The following KRT75 variants were observed in gnomAD, a reference collection of about 807,000 sequenced individuals.
The protein encoded by KRT75 is keratin 75, also known as keratin, type II cytoskeletal 75.
Under a neutral mutation model 48.8 loss-of-function variants are expected in KRT75, and 35 were observed. That is an observed-to-expected ratio of 0.72 (90% confidence interval 0.55 to 0.95). KRT75 has a LOEUF of 0.95. KRT75 is among the 40% of genes least tolerant of loss of function. The pLI, the probability that KRT75 is intolerant of heterozygous loss-of-function variation, is 0.00. For missense variants in KRT75, 776 were observed against 709.9 expected, an observed-to-expected ratio of 1.09 and a Z score of -1.06; for synonymous variants, 301 against 282.3, an observed-to-expected ratio of 1.07 and a Z score of -0.66.
At chr12:52,428,524 G>T (rs375478049) in intron 6 of KRT75, 48 bp from the exon 7 acceptor site, 4 of 1,611,702 alleles carry the variant, frequency 2.5e-6, no homozygotes, top group Non-Finnish European at 8.5e-7. Context: ...GCCCATGGAG[G>T]TGTGGTGCTT....
rs553522386 is a variant in KRT75 at position 52,424,640 on chromosome 12, G to C, written c.1533C>G (p.Ser511Arg). ...CAGAACCTCCCAGGCCTGCACCCAG[G>C]CTATGCCCACCACTGGTGGTGAAGG... ...GYSFTTSGGH[S>R]LGAGLGGSGF... is the part of the protein sequence containing the mutation. Residue 511 changes from serine (S) to arginine (R), a missense_variant, in exon 9 of 9, where the codon AGC becomes AGG. Transcript: ENST00000252245. 8.0e-5 allele frequency: 129 copies of C among 1,614,194 alleles called. 1 individual carries two copies. The South Asian group carries it at 1.4e-3, about 17-fold the overall frequency.
chr12:52,430,264 C>T (rs920120636), intron 5 of KRT75, among the ~76,000 whole-genome samples: 12 of 152,146 alleles, frequency 7.9e-5, no homozygotes, highest in East Asian at 7.7e-4. Context: ...GACTGTGTCT[C>T]GGTTGTCCTG....
rs1161964667 is a variant in KRT75, at chr12:52,433,070, G to A, written c.681C>T (p.Asn227=). ...ERGRLEAELR[N]MQDVVEDFKV... ...TGAAATCTTCCACAACATCCTGCAT[G>A]TTCCTCAGTTCAGCTTCAAGCCTGC... Residue 227 remains asparagine, a synonymous_variant, in exon 2 of 9, where the codon AAC becomes AAT. Transcript: ENST00000252245. 1.2e-6 allele frequency: 2 copies of A among 1,613,862 alleles called. No individual in the cohort carries two copies. Among genetic ancestry groups the A allele is most frequent in the African/African-American group, 2.7e-5 (2 of 74,862 alleles).
intron 7 of KRT75, 100 bp downstream of exon 7, chr12:52,428,156 G>C (rs1340959185): frequency 7.0e-7 from 1 of 1,433,250 alleles, no homozygotes; most frequent in Non-Finnish European, 9.8e-7. Flanking sequence ...TTTTCTTCCA[G>C]GAGAAGAAGG....
Position 52,428,283 on chromosome 12 carries a change from C to T in KRT75, c.1355G>A (p.Arg452His), listed in dbSNP as rs141902697. 108 of 1,613,992 alleles carry T rather than the reference C, an allele frequency of 6.7e-5. No homozygotes were observed. The highest frequency in any genetic ancestry group is 6.7e-4 in the African/African-American group (50 of 75,004). ...GCACTCCTCGCCTTCCAGCAGCTTG[C>T]GGTAGGTGGCGATCTCCACGTCCAG... ...LALDVEIATY[R>H]KLLEGEECRL... Residue 452 changes from arginine (R) to histidine (H), a missense_variant, in exon 7 of 9, where the codon CGC becomes CAC. Transcript: ENST00000252245.
chr12:52,425,808 T>G (rs2121512265), intron 8 of KRT75, among the ~76,000 whole-genome samples: 1 of 152,330 alleles, frequency 6.6e-6, no homozygotes, highest in African/African-American at 2.4e-5. Context: ...AACCCTTAAT[T>G]TCAGCCTCCG....
At chr12:52,431,734 G>T in intron 3 of KRT75, 96 bp from the exon 4 acceptor site, 1 of 1,029,044 alleles carries the variant, frequency 9.7e-7, no homozygotes, top group Non-Finnish European at 1.5e-6. Context: ...CATCTAGTTT[G>T]GATTTTAGAA....
Position 52,434,268 on chromosome 12 carries a change from T to C in KRT75, c.37A>G (p.Ser13Gly). The C allele has an allele frequency of 6.3e-7, 1 of 1,587,760 alleles. No homozygotes were observed. The highest frequency in any genetic ancestry group is 8.5e-7 in the Non-Finnish European group (1 of 1,171,320). ...GAGGTGGTGCTGAAGCCCCTGCGGC[T>C]GCCAGACTGGAAGGTGATGGAGGAC... The part of the protein sequence containing the change: ...RQSSITFQSG[S>G]RRGFSTTSAI... Residue 13 changes from serine (S) to glycine (G), a missense_variant, in exon 1 of 9, where the codon AGC becomes GGC. Ser to Gly is a moderately conservative substitution (Grantham distance 56). Transcript: ENST00000252245.
In KRT75 at chr12:52,431,531, G is replaced by T. The variant is rs769344012; in HGVS notation, c.870+12C>A. On this transcript the variant is annotated intron_variant, in intron 4 of 8. Coordinates refer to ENST00000252245, the MANE Select transcript of KRT75 (RefSeq NM_004693.3). ...AGACCTAGGAGAGACAGAAATACTT[G>T]CAGACTCTTACTGCATCAAAGACTG... 1 of 1,572,608 alleles carries T rather than the reference G, an allele frequency of 6.4e-7. No homozygotes were observed. The highest frequency in any genetic ancestry group is 8.8e-7 in the Non-Finnish European group (1 of 1,142,092).
intron 8 of KRT75, 124 bp from the exon 9 acceptor site, chr12:52,424,879 C>A: frequency 1.3e-6 from 1 of 788,468 alleles, no homozygotes; most frequent in Non-Finnish European, 2.2e-6. Context: ...AGCAGTTTGC[C>A]TCCTTCCAAT....
intron 8 of KRT75, 150 bp downstream of exon 8, chr12:52,426,667 G>T: frequency 1.2e-6 from 1 of 809,428 alleles, no homozygotes; most frequent in Non-Finnish European, 2.2e-6. Context: ...TGCTTTTTAA[G>T]GGACCCAAAA....
At chr12:52,429,430 A>G (rs17125077) in intron 5 of KRT75, among the ~76,000 whole-genome samples, 3,265 of 152,220 alleles carry the variant, frequency 0.021, 114 homozygotes, top group African/African-American at 0.075. Context: ...AGGACATGTG[A>G]ATTTAAGAGC....
intron 7 of KRT75, among the ~76,000 whole-genome samples, chr12:52,427,849 T>C (rs1200875928): frequency 2.0e-5 from 3 of 152,158 alleles, no homozygotes; most frequent in African/African-American, 2.4e-5. Flanking sequence ...CATTTTATCA[T>C]TGAAGAAATT....
At chr12:52,427,196 C>G (rs1407385897) in intron 7 of KRT75, among the ~76,000 whole-genome samples, 2 of 152,220 alleles carry the variant, frequency 1.3e-5, no homozygotes, top group Non-Finnish European at 2.9e-5. Flanking sequence ...TAAGATTTGT[C>G]TCTCAACAAG....
chr12:52,433,701 A>T (rs913759351), intron 1 of KRT75, 106 bp downstream of exon 1: 1 of 1,558,404 alleles, frequency 6.4e-7, no homozygotes, highest in Non-Finnish European at 8.8e-7. Context: ...AACAGTGCTC[A>T]TTCCCACAGT....
intron 1 of KRT75, 85 bp from the exon 2 acceptor site, chr12:52,433,337 G>A: frequency 8.2e-7 from 1 of 1,218,182 alleles, no homozygotes; most frequent in Non-Finnish European, 1.2e-6. Flanking sequence ...AGAAGAAAAA[G>A]ATATTTTTTT....
At chr12:52,432,457 C>T (rs1227735283) in intron 2 of KRT75, among the ~76,000 whole-genome samples, 3 of 152,132 alleles carry the variant, frequency 2.0e-5, no homozygotes, top group Admixed American at 6.5e-5. Context: ...TTCACTGAAC[C>T]TCAGGGTGGC....
chr12:52,434,134 A>T lies in KRT75; in HGVS notation c.171T>A (p.Phe57Leu). Residue 57 changes from phenylalanine (F) to leucine (L), a missense_variant, in exon 1 of 9, where the codon TTT becomes TTA. Physicochemically the swap from Phe to Leu is conservative, Grantham distance 22 (BLOSUM62 0). Coordinates refer to ENST00000252245, the MANE Select transcript of KRT75 (RefSeq NM_004693.3). ...LGRISSAGASFGSRSLYNLGG... is the reference protein window; with the variant it reads ...LGRISSAGASLGSRSLYNLGG... ...CCAGGTTGTAGAGGCTGCGGCTTCC[A>T]AAGCTGGCCCCAGCACTGCTGATCC... 1 of 1,614,080 alleles carries T rather than the reference A, an allele frequency of 6.2e-7. No homozygotes were observed. Among genetic ancestry groups the T allele is most frequent in the Non-Finnish European group, 8.5e-7 (1 of 1,179,982 alleles).
rs147762864 is a variant in KRT75, at chr12:52,424,587, A to C, written c.1586T>G (p.Leu529Ter). ...SGFSATSNRGLGGSGSSVKFV... is the reference protein window; with the variant it reads ...SGFSATSNRG ...CTTGACGCTAGAACCACTGCCCCCT[A>C]AGCCCCGGTTGCTGGTGGCACTGAA... Residue 529 changes from leucine (L) to a stop codon, truncating the protein, a stop_gained, in exon 9 of 9, where the codon TTA becomes TGA. Transcript: ENST00000252245. LOFTEE classifies it high-confidence loss of function. 3.7e-6 allele frequency: 6 copies of C among 1,614,008 alleles called. No individual in the cohort carries two copies. In the South Asian group the frequency reaches 6.6e-5, roughly 18 times the overall value.
Sources: gnomAD v4.1 joint callset for allele counts (sites outside exome capture counted in the v4.1 genomes callset) on GRCh38, gnomAD v4.1.1 for gene constraint, MANE v1.5 for transcripts, NCBI Gene and HGNC (gene_info 2026-07-23, HGNC 2026-07-21) for gene names.